Variants in ICA1 observed in about 807,000 individuals in gnomAD.
The protein encoded by ICA1 is islet cell autoantigen 1, also known as 69 kDa islet cell autoantigen.
ICA1 carries 40 observed loss-of-function variants against 71.0 expected under a neutral mutation model. The ratio of observed to expected loss-of-function variants is 0.56; its 90% confidence interval spans 0.44 to 0.73. ICA1 has a LOEUF of 0.73. Among genes scored for constraint, ICA1 ranks in the 30% least tolerant of loss-of-function variants. ICA1 has a pLI of 0.00. For missense variants in ICA1, 578 were observed against 576.5 expected, an observed-to-expected ratio of 1.00 and a Z score of -0.03; for synonymous variants, 207 against 209.5, an observed-to-expected ratio of 0.99 and a Z score of 0.10.
At chr7:8,228,307 C>G (rs539155865) in intron 4 of ICA1, among the ~76,000 whole-genome samples, 1 of 151,774 alleles carries the variant, frequency 6.6e-6, no homozygotes, top group Admixed American at 6.6e-5. Flanking sequence ...AAAAAAAAAC[C>G]TGAAGGTAAA....
intron 1 of ICA1, among the ~76,000 whole-genome samples, chr7:8,241,851 G>C (rs182942772): frequency 2.6e-5 from 4 of 152,050 alleles, no homozygotes; most frequent in Non-Finnish European, 5.9e-5. Context: ...GGGTCAATTC[G>C]ACAAGAAGAG....
intron 1 of ICA1, among the ~76,000 whole-genome samples, chr7:8,244,004 A>G (rs1804958116): frequency 6.6e-6 from 1 of 152,142 alleles, no homozygotes; most frequent in South Asian, 2.1e-4. Flanking sequence ...AAGGTAATTT[A>G]TAGATTCAAT....
Position 8,141,825 on chromosome 7 carries a change from TA to T in ICA1, c.903-9del. 1 of 1,552,374 alleles carries T rather than the reference TA, an allele frequency of 6.4e-7. No individual in the cohort carries two copies. The highest frequency in any genetic ancestry group is 8.8e-7 in the Non-Finnish European group (1 of 1,131,996). On this transcript the variant is annotated splice_polypyrimidine_tract_variant and intron_variant, in intron 9 of 13. Coordinates refer to ENST00000402384, the MANE Select transcript of ICA1 (RefSeq NM_001136020.3). Reference sequence around the variant, plus strand: ...TCCTCTAATGAAATTAATCTTAAAATAAAAAAGAGGTTTAGTCATCAACTTC... The same window carrying T: ...TCCTCTAATGAAATTAATCTTAAAATAAAAAGAGGTTTAGTCATCAACTTC...
chr7:8,154,552 CCAGT>C (rs1211201035), intron 8 of ICA1, among the ~76,000 whole-genome samples: 1 of 152,128 alleles, frequency 6.6e-6, no homozygotes, highest in Admixed American at 6.6e-5. Context: ...TGTTTTCTTT[CCAGT>C]CAGAGTCCCA....
At chr7:8,207,691 G>T (rs969787030) in intron 6 of ICA1, among the ~76,000 whole-genome samples, 16 of 152,204 alleles carry the variant, frequency 1.1e-4, no homozygotes, top group African/African-American at 3.9e-4. Context: ...AGCTCCTGCT[G>T]ACCAGGACAT....
At chr7:8,152,824 A>T (rs796286486) in intron 8 of ICA1, among the ~76,000 whole-genome samples, 1,111 of 18,472 alleles carry the variant, frequency 0.06, 1 homozygote, top group African/African-American at 0.14. Flanking sequence ...ATCTCCTTCA[A>T]CACCACTACC....
At position 8,179,973 on chromosome 7, in the gene ICA1, T is replaced by C. The variant is rs79735405; in HGVS notation, c.580-21321A>G. Among the ~76,000 whole-genome samples the C allele has an allele frequency of 3.8e-3, 584 of 152,246 alleles. 8 individuals carry two copies. The East Asian group carries it at 0.043, about 11-fold the overall frequency. The stretch of plus-strand genomic sequence containing the variant: ...TTTCATGTAAGCTCTACGACTCTAT[T>C]CCCCCGTTCCTCTTCTCAAACTCCT... On this transcript the variant is annotated intron_variant, in intron 6 of 13. Coordinates refer to ENST00000402384, the MANE Select transcript of ICA1 (RefSeq NM_001136020.3).
intron 1 of ICA1, among the ~76,000 whole-genome samples, chr7:8,261,837 T>A (rs1309031542): frequency 6.6e-6 from 1 of 152,092 alleles, no homozygotes; most frequent in African/African-American, 2.4e-5. Context: ...CCCCCGGGGC[T>A]GACGCACGCT....
In ICA1 at chr7:8,232,879, T is replaced by C; in HGVS notation, c.18-124A>G. On this transcript the variant is annotated intron_variant, in intron 2 of 13. Transcript: ENST00000402384. ...TTTACATTTACAACATTGATAAACG[T>C]ATGAGCACTTTCTTATCTGGGTGTT... 7 of 791,156 alleles carry C rather than the reference T, an allele frequency of 8.8e-6. 1 individual carries two copies. In the South Asian group the frequency reaches 1.9e-4, roughly 21 times the overall value. 49.0% of individuals were successfully genotyped at this position (791,156 alleles called of 1,614,324 possible). A position where few individuals can be genotyped will look rare whatever the true frequency, so the allele number is the denominator to read the frequency against.
chr7:8,238,786 CATG>C (rs1802702372), intron 1 of ICA1, among the ~76,000 whole-genome samples: 1 of 152,192 alleles, frequency 6.6e-6, no homozygotes, highest in South Asian at 2.1e-4. Context: ...ATTCCCAGAT[CATG>C]ATACCATACG....
chr7:8,177,392 G>T (rs881451), intron 6 of ICA1, among the ~76,000 whole-genome samples: 2 of 152,066 alleles, frequency 1.3e-5, no homozygotes, highest in Non-Finnish European at 2.9e-5. Context: ...CAGCTAACTG[G>T]GTTCACTTCC....
intron 1 of ICA1, among the ~76,000 whole-genome samples, chr7:8,259,935 T>C (rs755201253): frequency 2.6e-5 from 4 of 152,158 alleles, no homozygotes; most frequent in South Asian, 2.1e-4. Flanking sequence ...TGTTGCCTCA[T>C]GGACAAAACA....
chr7:8,212,855 T>C (rs1234910021), intron 6 of ICA1, among the ~76,000 whole-genome samples: 5 of 152,196 alleles, frequency 3.3e-5, no homozygotes, highest in Admixed American at 2.0e-4. Flanking sequence ...CTAAAGCTAA[T>C]TTTTGCTATT....
At chr7:8,158,327 T>A (rs1165356911) in intron 7 of ICA1, 200 bp downstream of exon 7, 1 of 578,594 alleles carries the variant, frequency 1.7e-6, no homozygotes, top group Non-Finnish European at 3.0e-6. Context: ...AGTGGGAAAT[T>A]ATGGTATATA....
chr7:8,197,009 T>C (rs1787832700), intron 6 of ICA1, among the ~76,000 whole-genome samples: 1 of 152,256 alleles, frequency 6.6e-6, no homozygotes, highest in Admixed American at 6.5e-5. Context: ...TGTGAGTCAA[T>C]TAAACTTCTT....
At chr7:8,207,207 T>C (rs1490234115) in intron 6 of ICA1, among the ~76,000 whole-genome samples, 1 of 152,162 alleles carries the variant, frequency 6.6e-6, no homozygotes, top group Non-Finnish European at 1.5e-5. Context: ...CACAGATAGA[T>C]GGGTGGTTGG....
At chr7:8,126,776 C>A (rs1372192418) in intron 13 of ICA1, among the ~76,000 whole-genome samples, 3 of 152,254 alleles carry the variant, frequency 2.0e-5, no homozygotes, top group Non-Finnish European at 1.5e-5. Flanking sequence ...ATTAAAGTCA[C>A]ATGAAAGAAG....
intron 1 of ICA1, among the ~76,000 whole-genome samples, chr7:8,252,688 T>C (rs1808598483): frequency 6.6e-6 from 1 of 151,266 alleles, no homozygotes; most frequent in South Asian, 2.1e-4. Context: ...TGATATATTG[T>C]ATATATCTAA....
At chr7:8,174,225 G>T (rs753615287) in intron 6 of ICA1, among the ~76,000 whole-genome samples, 42 of 152,186 alleles carry the variant, frequency 2.8e-4, no homozygotes, top group South Asian at 2.7e-3. Flanking sequence ...TTTCCCGTCT[G>T]TTTTACATGT....
Sources: allele counts gnomAD v4.1 joint callset (sites outside exome capture counted in the v4.1 genomes callset), GRCh38; gene constraint gnomAD v4.1.1; transcripts MANE v1.5; gene names NCBI Gene and HGNC (gene_info 2026-07-23, HGNC 2026-07-21).